The following MAGI2 variants were observed in gnomAD, a reference collection of about 807,000 sequenced individuals.
The protein encoded by MAGI2 is membrane-associated guanylate kinase, WW and PDZ domain-containing protein 2.
Under a neutral mutation model 133.3 loss-of-function variants are expected in MAGI2, and 35 were observed. The ratio of observed to expected loss-of-function variants is 0.26; its 90% confidence interval spans 0.20 to 0.35. The LOEUF is 0.35. Among genes scored for constraint, MAGI2 ranks in the 10% least tolerant of loss-of-function variants. MAGI2 has a pLI of 1.00. For missense variants in MAGI2, 1,636 were observed against 1,863.4 expected, an observed-to-expected ratio of 0.88 and a Z score of 2.25; for synonymous variants, 729 against 710.6, an observed-to-expected ratio of 1.03 and a Z score of -0.41.
chr7:78,144,934 G>A lies in MAGI2; in HGVS notation c.2846-9728C>T, dbSNP rs376270173. Among the ~76,000 whole-genome samples the A allele has an allele frequency of 5.3e-5, 8 of 151,954 alleles. No individual in the cohort carries two copies. In the East Asian group the frequency reaches 5.8e-4, roughly 11 times the overall value. ...GTGTGTTGTTCCCCTCCCTGTGTCC[G>A]TGTGTTCTCATTGTTCCACTCCCAC... On this transcript the variant is annotated intron_variant, in intron 16 of 21. Coordinates refer to ENST00000354212, the MANE Select transcript of MAGI2 (RefSeq NM_012301.4).
intron 9 of MAGI2, among the ~76,000 whole-genome samples, chr7:78,303,149 G>A (rs1797976305): frequency 6.6e-6 from 1 of 152,032 alleles, no homozygotes; most frequent in Admixed American, 6.6e-5. Context: ...AGGCCAAGGT[G>A]GGTGGATCAT....
At chr7:78,594,231 C>T (rs953484214) in intron 3 of MAGI2, among the ~76,000 whole-genome samples, 24 of 152,140 alleles carry the variant, frequency 1.6e-4, no homozygotes, top group African/African-American at 4.8e-4. Context: ...GATAATGTTG[C>T]CCAATTCTAC....
intron 1 of MAGI2, among the ~76,000 whole-genome samples, chr7:79,168,908 A>C: frequency 1.0e-4 from 1 of 9,536 alleles, no homozygotes; most frequent in African/African-American, 1.7e-4. Flanking sequence ...ATATATATAT[A>C]TATATATATA....
chr7:78,033,080 G>C (rs529749401), intron 21 of MAGI2, among the ~76,000 whole-genome samples: 3 of 152,258 alleles, frequency 2.0e-5, no homozygotes, highest in Non-Finnish European at 4.4e-5. Context: ...CAGTCTGGAG[G>C]CCATTGTGGT....
chr7:78,663,906 C>A (rs1434758498), intron 2 of MAGI2, among the ~76,000 whole-genome samples: 1 of 152,176 alleles, frequency 6.6e-6, no homozygotes, highest in Non-Finnish European at 1.5e-5. Flanking sequence ...CCTAATGTTT[C>A]CTTCAAAATA....
chr7:78,685,142 C>T (rs1816143073), intron 2 of MAGI2, among the ~76,000 whole-genome samples: 2 of 152,138 alleles, frequency 1.3e-5, no homozygotes, highest in South Asian at 4.1e-4. Context: ...GTTTTTAATA[C>T]CTTCTCCTGT....
intron 1 of MAGI2, among the ~76,000 whole-genome samples, chr7:79,085,911 T>C (rs1816443266): frequency 6.6e-6 from 1 of 151,938 alleles, no homozygotes; most frequent in Admixed American, 6.6e-5. Flanking sequence ...TGCCTTAGCC[T>C]TCATGTGCTA....
chr7:79,384,060 G>T (rs10238914), intron 1 of MAGI2, among the ~76,000 whole-genome samples: 3,209 of 151,338 alleles, frequency 0.021, 97 homozygotes, highest in African/African-American at 0.075. Flanking sequence ...TGGTTTGGGG[G>T]TAAACAATGC....
At chr7:79,272,768 A>G (rs1585393707) in intron 1 of MAGI2, among the ~76,000 whole-genome samples, 1 of 152,240 alleles carries the variant, frequency 6.6e-6, no homozygotes, top group Non-Finnish European at 1.5e-5. Context: ...TAAACAAAAC[A>G]TAGAGTTTTA....
intron 10 of MAGI2, among the ~76,000 whole-genome samples, chr7:78,228,686 C>A (rs1789652969): frequency 6.6e-6 from 1 of 152,092 alleles, no homozygotes; most frequent in Non-Finnish European, 1.5e-5. Flanking sequence ...TGTGGCAAAT[C>A]TTTATTTAAC....
chr7:78,147,470 T>C (rs1256318867), intron 16 of MAGI2, among the ~76,000 whole-genome samples: 1 of 151,966 alleles, frequency 6.6e-6, no homozygotes, highest in Non-Finnish European at 1.5e-5. Flanking sequence ...GTGTTTTCAG[T>C]TTTACTAAGC....
chr7:78,150,980 C>T (rs906750079), intron 16 of MAGI2, among the ~76,000 whole-genome samples: 1 of 151,622 alleles, frequency 6.6e-6, no homozygotes, highest in South Asian at 2.1e-4. Flanking sequence ...AAAATGTTTG[C>T]GTTTGTCTTT....
intron 16 of MAGI2, among the ~76,000 whole-genome samples, chr7:78,144,494 C>G (rs188521917): frequency 6.6e-6 from 1 of 152,096 alleles, no homozygotes; most frequent in Non-Finnish European, 1.5e-5. Context: ...TTCACTGAAG[C>G]GTTTATGATT....
At chr7:79,409,705 C>T (rs374276003) in intron 1 of MAGI2, among the ~76,000 whole-genome samples, 1 of 151,936 alleles carries the variant, frequency 6.6e-6, no homozygotes, top group East Asian at 1.9e-4. Flanking sequence ...TAGATCTCTC[C>T]CATTATGTCT....
At chr7:78,658,720 C>G (rs1812578591) in intron 2 of MAGI2, among the ~76,000 whole-genome samples, 1 of 152,154 alleles carries the variant, frequency 6.6e-6, no homozygotes, top group African/African-American at 2.4e-5. Context: ...TAATGTTCAA[C>G]ATCATTAGCC....
intron 2 of MAGI2, chr7:79,000,256 A>G (rs780196263): frequency 2.0e-5 from 3 of 152,114 alleles, no homozygotes; most frequent in Non-Finnish European, 4.4e-5. Flanking sequence ...GAATAAGATG[A>G]TTGCTTTTTT....
chr7:78,673,327 A>T (rs1193119667), intron 2 of MAGI2, among the ~76,000 whole-genome samples: 1 of 151,980 alleles, frequency 6.6e-6, no homozygotes, highest in Non-Finnish European at 1.5e-5. Flanking sequence ...ACATATGTAT[A>T]TATAAAGAGA....
intron 1 of MAGI2, among the ~76,000 whole-genome samples, chr7:79,437,640 C>T (rs949251965): frequency 4.6e-5 from 7 of 152,116 alleles, no homozygotes; most frequent in East Asian, 1.9e-4. Context: ...TAGCCTAGAA[C>T]GTCACAGCAA....
chr7:78,585,890 C>T (rs1270840111), intron 3 of MAGI2, among the ~76,000 whole-genome samples: 8 of 152,148 alleles, frequency 5.3e-5, no homozygotes, highest in African/African-American at 7.2e-5. Context: ...ATGGAGATCA[C>T]GTAGATGAAC....
Sources: allele counts gnomAD v4.1 joint callset (sites outside exome capture counted in the v4.1 genomes callset), GRCh38; gene constraint gnomAD v4.1.1; transcripts MANE v1.5; gene names NCBI Gene and HGNC (gene_info 2026-07-23, HGNC 2026-07-21).